The following HMGCL variants were observed in gnomAD, a reference collection of about 807,000 sequenced individuals.
The protein encoded by HMGCL is 3-hydroxy-3-methylglutaryl-CoA lyase.
In HMGCL, 26 loss-of-function variants were observed where a neutral mutation model predicts 37.3. The ratio of observed to expected loss-of-function variants is 0.70; its 90% confidence interval spans 0.51 to 0.97. The LOEUF (loss-of-function observed/expected upper bound fraction) is 0.97. Among genes scored for constraint, HMGCL ranks in the 50% least tolerant of loss-of-function variants. The probability of loss-of-function intolerance (pLI) is 0.00; values close to 1 mark genes in which losing one functional copy is unlikely to be tolerated. For synonymous variants in HMGCL, 151 were observed against 148.0 expected (o/e 1.02, Z -0.15); for missense variants, 379 against 398.1 (o/e 0.95, Z 0.41).
In HMGCL at chr1:23,820,495, C is replaced by T; in HGVS notation, c.144+15G>A. The T allele has an allele frequency of 6.2e-7, 1 of 1,600,188 alleles. No homozygotes were observed. Among genetic ancestry groups the T allele is most frequent in the Non-Finnish European group, 8.6e-7 (1 of 1,167,258 alleles). On this transcript the variant is annotated intron_variant, in intron 2 of 8. Transcript: ENST00000374490. ...GCTTGAAAAAACTGTTTTTTTGGCT[C>T]ATTTCCAACTTTACCTTTTCATTTT...
rs1570647795 is a variant in HMGCL at position 23,810,906 on chromosome 1, C to CACATTT, written c.498-108_498-107insAAATGT. The CACATTT allele has an allele frequency of 7.0e-6, 6 of 859,500 alleles. No individual in the cohort carries two copies. The East Asian group carries it at 1.6e-4, about 23-fold the overall frequency. 53.2% of individuals were successfully genotyped at this position (859,500 alleles called of 1,614,324 possible). On this transcript the variant is annotated intron_variant, in intron 5 of 8. Transcript: ENST00000374490. ...ATTTCTGATCAGTGTGCAATCAACA[C>CACATTT]CTGCAGCTGGGCGGAGTAAGGGCAG... is the stretch of plus-strand genomic sequence containing the variant.
At chr1:23,811,676 G>A (rs1030126811) in intron 5 of HMGCL, among the ~76,000 whole-genome samples, 2 of 152,164 alleles carry the variant, frequency 1.3e-5, no homozygotes, top group African/African-American at 4.8e-5. Flanking sequence ...GGACAGCTGA[G>A]GCAGACAGAG....
chr1:23,822,774 T>C (rs1638743828), intron 1 of HMGCL, among the ~76,000 whole-genome samples: 1 of 152,188 alleles, frequency 6.6e-6, no homozygotes, highest in African/African-American at 2.4e-5. Flanking sequence ...CACTGGAACA[T>C]AAGTTTCATG....
chr1:23,804,748 G>A (rs1053446365), intron 7 of HMGCL, among the ~76,000 whole-genome samples: 1 of 151,946 alleles, frequency 6.6e-6, no homozygotes, highest in Admixed American at 6.5e-5. Context: ...TCCTTTCATG[G>A]TGAACTCTCA....
Position 23,806,309 on chromosome 1 carries a change from ACTCT to A in HMGCL, c.751-1788_751-1785del, listed in dbSNP as rs571405809. Among the ~76,000 whole-genome samples, 1 of 151,688 alleles carries A rather than the reference ACTCT, an allele frequency of 6.6e-6. No homozygotes were observed. Among genetic ancestry groups the A allele is most frequent in the Non-Finnish European group, 1.5e-5 (1 of 67,930 alleles). On this transcript the variant is annotated intron_variant, in intron 7 of 8. Transcript: ENST00000374490. This position sits in a 1 kb window ranked among gnomAD's most constrained non-coding sequence, Gnocchi z 4.0. ...ATCTCCCTCCCCGCCCCTGCTCAAG[ACTCT>A]CTGTTAGCTTCCCAGCTCAGTCTGA...
chr1:23,803,833 G>T (rs1382660845), intron 8 of HMGCL: 1 of 153,280 alleles, frequency 6.5e-6, no homozygotes, highest in African/African-American at 2.4e-5. Context: ...TGAGGGCCCT[G>T]GTGGACTCTG....
chr1:23,808,045 C>T, intron 7 of HMGCL, 90 bp downstream of exon 7: 2 of 1,209,288 alleles, frequency 1.7e-6, no homozygotes, highest in Non-Finnish European at 2.4e-6. Flanking sequence ...GGCATACTGG[C>T]ATCAGTAAAT....
At chr1:23,820,619 A>G (rs780783484) in intron 1 of HMGCL, 26 bp from the exon 2 acceptor site, 31 of 1,517,950 alleles carry the variant, frequency 2.0e-5, no homozygotes, top group Non-Finnish European at 2.8e-5. Context: ...GGAAACAAAA[A>G]GTATGAGGAA....
chr1:23,809,228 A>G (rs1426439490), intron 6 of HMGCL: 5 of 71,300 alleles, frequency 7.0e-5, no homozygotes, highest in Non-Finnish European at 1.3e-4. Context: ...ATATATATAT[A>G]TATATATATA....
At chr1:23,818,530 C>T (rs1030893496) in intron 2 of HMGCL, among the ~76,000 whole-genome samples, 2 of 152,120 alleles carry the variant, frequency 1.3e-5, no homozygotes, top group East Asian at 3.9e-4. Flanking sequence ...TTCTCTCCCA[C>T]TGCTCTAACT....
At chr1:23,823,296 TCA>T (rs1380363074) in intron 1 of HMGCL, among the ~76,000 whole-genome samples, 1 of 151,938 alleles carries the variant, frequency 6.6e-6, no homozygotes, top group African/African-American at 2.4e-5. Context: ...ACATAATAAT[TCA>T]GTTTTTAAAC....
rs1638701108 is a variant in HMGCL at position 23,820,589 on chromosome 1, C to T, written c.65G>A (p.Ser22Asn). Residue 22 changes from serine to asparagine, a missense_variant, in exon 2 of 9, where the codon AGC (serine) becomes AAC (asparagine). Coordinates refer to ENST00000374490, the MANE Select transcript of HMGCL (RefSeq NM_000191.3). The part of the protein sequence containing the change: ...LVGLASLRAV[S>N]TSSMGTLPKR... ...TGGTAAAGTGCCCATAGATGAGGTG[C>T]TGACCTTTGGTTTAAAAGAGGAAAC... 6.2e-7 allele frequency: 1 copy of T among 1,613,434 alleles called. No individual in the cohort carries two copies. The highest frequency in any genetic ancestry group is 8.5e-7 in the Non-Finnish European group (1 of 1,179,380).
At chr1:23,825,218 G>A in intron 1 of HMGCL, 138 bp downstream of exon 1, 1 of 721,798 alleles carries the variant, frequency 1.4e-6, no homozygotes, top group Non-Finnish European at 2.4e-6. Context: ...GAGGGTCCAG[G>A]ACTCCAACGC....
chr1:23,813,908 C>G, intron 5 of HMGCL: 1 of 469,074 alleles, frequency 2.1e-6, no homozygotes, highest in Admixed American at 3.3e-5. Context: ...GCCTCAAACT[C>G]CTGGTCTCAA....
chr1:23,805,245 G>A (rs1226079823), intron 7 of HMGCL, among the ~76,000 whole-genome samples: 1 of 152,068 alleles, frequency 6.6e-6, no homozygotes, highest in African/African-American at 2.4e-5. Flanking sequence ...GCTTCAGGAT[G>A]TGCTCCAGTA....
intron 8 of HMGCL, among the ~76,000 whole-genome samples, chr1:23,802,939 A>C (rs1002153088): frequency 1.3e-5 from 2 of 152,248 alleles, no homozygotes; most frequent in Non-Finnish European, 2.9e-5. Context: ...ACACCAACTG[A>C]AAGGGCCAGA....
intron 7 of HMGCL, among the ~76,000 whole-genome samples, 178 bp from the exon 8 acceptor site, chr1:23,804,703 T>G (rs1042283831): frequency 6.6e-6 from 1 of 152,194 alleles, no homozygotes; most frequent in Non-Finnish European, 1.5e-5. Flanking sequence ...TCCTTTTAGT[T>G]TCTGTTAAAC....
At chr1:23,813,862 A>C (rs1638566647) in intron 5 of HMGCL, 1 of 389,590 alleles carries the variant, frequency 2.6e-6, no homozygotes, top group Admixed American at 3.7e-5. Flanking sequence ...AGATTCCTTT[A>C]GCATGATAGC....
At chr1:23,808,036 G>T in intron 7 of HMGCL, 99 bp downstream of exon 7, 1 of 1,127,552 alleles carries the variant, frequency 8.9e-7, no homozygotes, top group Non-Finnish European at 1.3e-6. Context: ...TTGGAACCTG[G>T]CATACTGGCA....
Sources: allele counts gnomAD v4.1 joint callset (sites outside exome capture counted in the v4.1 genomes callset), GRCh38; gene constraint gnomAD v4.1.1; non-coding constraint Gnocchi (gnomAD v3.1); transcripts MANE v1.5; gene names NCBI Gene and HGNC (gene_info 2026-07-23, HGNC 2026-07-21).